PPP6R3: variants seen among roughly 807,000 people sequenced by gnomAD.
The protein encoded by PPP6R3 is protein phosphatase 6 regulatory subunit 3.
Under a neutral mutation model 110.7 loss-of-function variants are expected in PPP6R3, and 38 were observed. That is an observed-to-expected ratio of 0.34 (90% CI 0.26 to 0.45). The LOEUF (loss-of-function observed/expected upper bound fraction) is 0.45, where lower values mean the gene tolerates loss of function less well. Among genes scored for constraint, PPP6R3 ranks in the 20% least tolerant of loss-of-function variants. PPP6R3 has a pLI of 1.00. For missense variants in PPP6R3, 870 were observed against 1,062.4 expected (o/e 0.82, Z 2.52); for synonymous variants, 369 against 373.5 (o/e 0.99, Z 0.14).
chr11:68,586,096 C>A (rs570425909), intron 15 of PPP6R3, among the ~76,000 whole-genome samples: 26 of 152,004 alleles, frequency 1.7e-4, no homozygotes, highest in Middle Eastern at 6.8e-3. Flanking sequence ...CATGGCAAGA[C>A]CCTGTCTCTT....
chr11:68,519,315 G>A (rs1469205831), intron 1 of PPP6R3, among the ~76,000 whole-genome samples, 186 bp from the exon 2 acceptor site: 1 of 152,200 alleles, frequency 6.6e-6, no homozygotes, highest in African/African-American at 2.4e-5. Context: ...AGCTAAGGTA[G>A]AGAGATGACA....
chr11:68,602,417 A>G (rs530844256), intron 21 of PPP6R3, among the ~76,000 whole-genome samples: 285 of 152,304 alleles, frequency 1.9e-3, no homozygotes, highest in Non-Finnish European at 3.1e-3. Flanking sequence ...CTAAAGTTCC[A>G]GTGGGTTTTC....
intron 10 of PPP6R3, 80 bp downstream of exon 10, chr11:68,567,246 A>G: frequency 7.4e-7 from 1 of 1,355,670 alleles, no homozygotes; most frequent in Non-Finnish European, 9.8e-7. Flanking sequence ...AACCTTACAA[A>G]TTTACATTAT....
intron 1 of PPP6R3, among the ~76,000 whole-genome samples, chr11:68,492,471 T>TA (rs1266025341): frequency 1.3e-5 from 2 of 152,250 alleles, no homozygotes; most frequent in South Asian, 2.1e-4. Flanking sequence ...AAGGCTGAGT[T>TA]ATATTTCATT....
chr11:68,506,048 T>A (rs184563959), intron 1 of PPP6R3, among the ~76,000 whole-genome samples: 2 of 151,808 alleles, frequency 1.3e-5, no homozygotes, highest in Admixed American at 6.6e-5. Context: ...TGTTTCCTTT[T>A]TTCCCCCCGC....
intron 21 of PPP6R3, among the ~76,000 whole-genome samples, 164 bp from the exon 22 acceptor site, chr11:68,603,177 CT>C (rs1367253115): frequency 6.6e-6 from 1 of 152,070 alleles, no homozygotes; most frequent in Non-Finnish European, 1.5e-5. Context: ...TAAGAAGTCT[CT>C]CCCCATCAAG....
chr11:68,470,531 C>G (rs1430368355), intron 1 of PPP6R3, among the ~76,000 whole-genome samples: 2 of 152,056 alleles, frequency 1.3e-5, no homozygotes, highest in Non-Finnish European at 2.9e-5. Flanking sequence ...GTCTTTTTCT[C>G]TGAGTGAGAT....
intron 2 of PPP6R3, among the ~76,000 whole-genome samples, chr11:68,529,379 C>G (rs1027181527): frequency 6.6e-6 from 1 of 152,180 alleles, no homozygotes; most frequent in South Asian, 2.1e-4. Context: ...CCATTGTGCC[C>G]GGCTAATTTT....
intron 19 of PPP6R3, among the ~76,000 whole-genome samples, chr11:68,596,811 G>A (rs1366747620): frequency 2.0e-5 from 3 of 152,200 alleles, no homozygotes; most frequent in Non-Finnish European, 4.4e-5. Context: ...AGCCATATGG[G>A]CTGATAGCGA....
intron 19 of PPP6R3, among the ~76,000 whole-genome samples, chr11:68,597,529 C>T (rs927469507): frequency 2.6e-5 from 4 of 152,106 alleles, no homozygotes; most frequent in African/African-American, 9.7e-5. Flanking sequence ...ACAGGAGAAC[C>T]ATGAAGACAT....
At chr11:68,565,412 T>C (rs1289900816) in intron 9 of PPP6R3, among the ~76,000 whole-genome samples, 2 of 152,040 alleles carry the variant, frequency 1.3e-5, no homozygotes, top group African/African-American at 4.8e-5. Context: ...ATGTGGACCA[T>C]AGTGTTGGTG....
chr11:68,472,011 G>C (rs749235084), intron 1 of PPP6R3, among the ~76,000 whole-genome samples: 2 of 152,018 alleles, frequency 1.3e-5, no homozygotes, highest in African/African-American at 2.4e-5. Flanking sequence ...GAGGAAGTAT[G>C]ACATACTCTG....
intron 7 of PPP6R3, among the ~76,000 whole-genome samples, chr11:68,556,018 CTG>C (rs1188779836): frequency 6.6e-6 from 1 of 152,104 alleles, no homozygotes; most frequent in Non-Finnish European, 1.5e-5. Context: ...ATAATAGCAT[CTG>C]TATATATTTG....
intron 17 of PPP6R3, among the ~76,000 whole-genome samples, chr11:68,591,081 A>G (rs2099593854): frequency 6.6e-6 from 1 of 151,948 alleles, no homozygotes; most frequent in Non-Finnish European, 1.5e-5. Context: ...TTCTGTGGAA[A>G]CACCGAGACA....
intron 2 of PPP6R3, among the ~76,000 whole-genome samples, chr11:68,523,073 G>A (rs1289652482): frequency 4.6e-5 from 7 of 152,158 alleles, no homozygotes; most frequent in Admixed American, 4.6e-4. Flanking sequence ...GGAGGTTTTA[G>A]TTCTTACATG....
At chr11:68,465,633 A>G (rs1400432296) in intron 1 of PPP6R3, among the ~76,000 whole-genome samples, 1 of 152,234 alleles carries the variant, frequency 6.6e-6, no homozygotes, top group Non-Finnish European at 1.5e-5. Context: ...ATCAGCAAAT[A>G]CATTAATTGA....
intron 1 of PPP6R3, among the ~76,000 whole-genome samples, chr11:68,515,449 C>A (rs1432097642): frequency 1.3e-5 from 2 of 152,174 alleles, no homozygotes; most frequent in Non-Finnish European, 2.9e-5. Flanking sequence ...GGGCAGCAAT[C>A]CTGAAACAAT....
At position 68,545,780 on chromosome 11, in the gene PPP6R3, G is replaced by A. The variant is rs376307319; in HGVS notation, c.414+756G>A. Among the ~76,000 whole-genome samples the A allele has an allele frequency of 3.9e-5, 6 of 152,320 alleles. No individual in the cohort carries two copies. In the South Asian group the frequency reaches 1.0e-3, roughly 26 times the overall value. ...TGCATGCTAACATTTGAGAACCACC[G>A]CTTTAGTGGATATTGTTGTGAAAAA... On this transcript the variant is annotated intron_variant, in intron 4 of 23. Coordinates refer to ENST00000393800, the MANE Select transcript of PPP6R3 (RefSeq NM_001164161.2).
In PPP6R3 at chr11:68,575,886, A is replaced by T. The variant is rs2099529126; in HGVS notation, c.1460-72A>T. 3 of 1,164,836 alleles carry T rather than the reference A, an allele frequency of 2.6e-6. No homozygotes were observed. In the South Asian group the frequency reaches 4.2e-5, roughly 16 times the overall value. 72.2% of individuals were successfully genotyped at this position (1,164,836 alleles called of 1,614,324 possible). ...AGGTGAGTAGGCCCACTTTTATATT[A>T]CCTGCTTACTTTATTTGTCTCCGTG... On this transcript the variant is annotated intron_variant, in intron 13 of 23. Transcript: ENST00000393800.
Sources: gnomAD v4.1 joint callset for allele counts (sites outside exome capture counted in the v4.1 genomes callset) on GRCh38, gnomAD v4.1.1 for gene constraint, MANE v1.5 for transcripts, NCBI Gene and HGNC (gene_info 2026-07-23, HGNC 2026-07-21) for gene names.